The following PRDM13 variants were observed in gnomAD, a reference collection of about 807,000 sequenced individuals.
PRDM13 encodes the protein PR/SET domain 13.
A neutral mutation model predicts 36.4 loss-of-function variants in PRDM13; 15 were observed. The observed-to-expected ratio is 0.41, with a 90% CI of 0.28 to 0.64. PRDM13 has a LOEUF of 0.64. Ranked by LOEUF, PRDM13 falls within the 30% of genes least tolerant of loss-of-function variation. PRDM13 has a pLI of 0.29. For missense variants in PRDM13, 1,044 were observed against 1,013.5 expected, an observed-to-expected ratio of 1.03 and a Z score of -0.41; for synonymous variants, 531 against 467.7, an observed-to-expected ratio of 1.14 and a Z score of -1.75.
In PRDM13 at chr6:99,613,877, G is replaced by A. The variant is rs749242688; in HGVS notation, c.1242G>A (p.Ala414=). Residue 414 remains alanine (A), a synonymous_variant, in exon 4 of 4, where the codon GCG becomes GCA. Transcript: ENST00000369215. The surrounding 1 kb of genome is among the most constrained non-coding windows in gnomAD (Gnocchi z 6.1). ...HVERAPPAAA[A]LPGARYAQLP... is the part of the protein sequence containing the mutation. ...AGCGCGCCCCGCCCGCAGCCGCCGC[G>A]CTGCCAGGAGCGCGTTATGCGCAGC... The A allele has an allele frequency of 4.6e-6, 7 of 1,527,782 alleles. No homozygotes were observed. The highest frequency in any genetic ancestry group is 1.4e-5 in the African/African-American group (1 of 69,640). 94.6% of individuals were successfully genotyped at this position (1,527,782 alleles called of 1,614,324 possible). A position where few individuals can be genotyped will look rare whatever the true frequency, so the allele number is the denominator to read the frequency against.
chr6:99,609,047 G>A (rs979247161), intron 2 of PRDM13, 140 bp from the exon 3 acceptor site: 8 of 1,380,938 alleles, frequency 5.8e-6, no homozygotes, highest in East Asian at 2.5e-5. Flanking sequence ...GAAGGATGAC[G>A]GAAGTGAGGT....
chr6:99,613,057 A>G lies in PRDM13; in HGVS notation c.422A>G (p.Tyr141Cys). 6.2e-7 allele frequency: 1 copy of G among 1,600,352 alleles called. No homozygotes were observed. The change falls in exon 4 of 4, where the codon TAC becomes TGC. Residue 141 changes from tyrosine to cysteine, a missense_variant. Around this residue, in one of 3 missense-constraint regions of PRDM13, gnomAD observed 921 missense variants for 865.2 expected, o/e 1.06. Coordinates refer to ENST00000369215, the MANE Select transcript of PRDM13 (RefSeq NM_021620.4). This position sits in a 1 kb window ranked among gnomAD's most constrained non-coding sequence, Gnocchi z 6.1. Reference protein sequence around the residue: ...EKGEERYICWYCWRTFRYPNS... With the variant: ...EKGEERYICWCCWRTFRYPNS... ...GGGGAGGAGCGCTACATCTGCTGGT[A>G]CTGCTGGAGGACGTTTAGATACCCC...
chr6:99,607,145 G>C lies in PRDM13; in HGVS notation c.111G>C (p.Leu37=). The change falls in exon 1 of 4, where the codon CTG becomes CTC. Residue 37 remains leucine, a synonymous_variant. Transcript: ENST00000369215. ...VPGTFKLGKY[L]SDRREPGPKK... ...GTACCTTCAAGCTGGGCAAGTACCT[G>C]TCAGACCGCAGGGAGCCCGGGCCTA... 6.2e-7 allele frequency: 1 copy of C among 1,613,924 alleles called. No individual in the cohort carries two copies. Among genetic ancestry groups the C allele is most frequent in the Non-Finnish European group, 8.5e-7 (1 of 1,180,004 alleles).
At chr6:99,609,577 C>T (rs1476005249) in intron 3 of PRDM13, among the ~76,000 whole-genome samples, 2 of 152,088 alleles carry the variant, frequency 1.3e-5, no homozygotes, top group African/African-American at 4.8e-5. Context: ...TCAAACAGAC[C>T]ATTATTTACT....
intron 1 of PRDM13, among the ~76,000 whole-genome samples, chr6:99,608,233 C>T (rs1474304855): frequency 1.3e-5 from 2 of 152,182 alleles, no homozygotes; most frequent in African/African-American, 4.8e-5. Context: ...CAAGCTTTTC[C>T]CCGCTTGGGC....
Position 99,609,444 on chromosome 6 carries a change from C to T in PRDM13, c.397+137C>T, listed in dbSNP as rs545131270. On this transcript the variant is annotated intron_variant, in intron 3 of 3. Transcript: ENST00000369215. Reference sequence around the variant, plus strand: ...ATTTCAAGGCAAAGAGGAGAGAGGTCGCCACTACCTCCTTAAAATCAACCA... The same window carrying T: ...ATTTCAAGGCAAAGAGGAGAGAGGTTGCCACTACCTCCTTAAAATCAACCA... The T allele has an allele frequency of 4.4e-5, 53 of 1,208,626 alleles. No homozygotes were observed. The South Asian group carries it at 6.8e-4, about 15-fold the overall frequency. 74.9% of individuals were successfully genotyped at this position (1,208,626 alleles called of 1,614,324 possible).
In PRDM13 at chr6:99,613,861, C is replaced by T. The variant is rs982635235; in HGVS notation, c.1226C>T (p.Pro409Leu). 2.5e-5 allele frequency: 38 copies of T among 1,507,646 alleles called. No individual in the cohort carries two copies. Among genetic ancestry groups the T allele is most frequent in the Non-Finnish European group, 3.2e-5 (36 of 1,135,284 alleles). 93.4% of individuals were successfully genotyped at this position (1,507,646 alleles called of 1,614,324 possible). ...ASAFKHVERA[P>L]PAAAALPGAR... ...GCCTTCAAGCACGTGGAGCGCGCCCCGCCCGCAGCCGCCGCGCTGCCAGGA... is the reference window on the plus strand; with the variant it reads ...GCCTTCAAGCACGTGGAGCGCGCCCTGCCCGCAGCCGCCGCGCTGCCAGGA... The change falls in exon 4 of 4, where the codon CCG becomes CTG. Residue 409 changes from proline (P) to leucine (L), a missense_variant. Around this residue, in one of 3 missense-constraint regions of PRDM13, gnomAD observed 921 missense variants for 865.2 expected, o/e 1.06. Coordinates refer to ENST00000369215, the MANE Select transcript of PRDM13 (RefSeq NM_021620.4). This position sits in a 1 kb window ranked among gnomAD's most constrained non-coding sequence, Gnocchi z 6.1.
chr6:99,607,124 C>T lies in PRDM13; in HGVS notation c.90C>T (p.Thr30=). ...TGCGCCTCGGACCGGTGCCTGGTAC[C>T]TTCAAGCTGGGCAAGTACCTGTCAG... ...AGLRLGPVPG[T]FKLGKYLSDR... Residue 30 remains threonine, a synonymous_variant, in exon 1 of 4, where the codon ACC becomes ACT. Coordinates refer to ENST00000369215, the MANE Select transcript of PRDM13 (RefSeq NM_021620.4). The T allele has an allele frequency of 1.9e-6, 3 of 1,613,954 alleles. No individual in the cohort carries two copies. The highest frequency in any genetic ancestry group is 8.5e-7 in the Non-Finnish European group (1 of 1,180,022).
At chr6:99,612,076 T>A (rs932654529) in intron 3 of PRDM13, among the ~76,000 whole-genome samples, 1 of 152,240 alleles carries the variant, frequency 6.6e-6, no homozygotes, top group Admixed American at 6.5e-5. Flanking sequence ...CAAACACGTA[T>A]ATAGTGCCCG....
rs776126214 is a variant in PRDM13, at chr6:99,609,289, C to A, written c.379C>A (p.Pro127Thr). The change falls in exon 3 of 4, where the codon CCG becomes ACG. Residue 127 changes from proline (P) to threonine (T), a missense_variant. This residue lies in a region of PRDM13 where 921 missense variants were observed against 865.2 expected (regional missense o/e 1.06). Coordinates refer to ENST00000369215, the MANE Select transcript of PRDM13 (RefSeq NM_021620.4). ...QWFDIPTTATPTHDEKGEERY... is the reference protein window; with the variant it reads ...QWFDIPTTATTTHDEKGEERY... ...GTTCGACATCCCCACCACAGCGACT[C>A]CGACTCACGACGAGAAAGGTACCCA... 9.9e-6 allele frequency: 16 copies of A among 1,614,090 alleles called. No individual in the cohort carries two copies. In the East Asian group the frequency reaches 3.3e-4, roughly 34 times the overall value.
chr6:99,612,524 AATG>A (rs1269798578), intron 3 of PRDM13, among the ~76,000 whole-genome samples: 1 of 152,188 alleles, frequency 6.6e-6, no homozygotes, highest in Non-Finnish European at 1.5e-5. Flanking sequence ...TGTGAAAAGG[AATG>A]ATTACATATG....
intron 3 of PRDM13, among the ~76,000 whole-genome samples, chr6:99,609,905 A>AG (rs1402198268): frequency 6.9e-6 from 1 of 144,804 alleles, no homozygotes; most frequent in African/African-American, 2.5e-5. Flanking sequence ...AATAAAAATA[A>AG]AAAATAAAAA....
Position 99,608,738 on chromosome 6 carries a change from C to A in PRDM13, c.145-3C>A. 6.2e-7 allele frequency: 1 copy of A among 1,602,960 alleles called. No individual in the cohort carries two copies. Among genetic ancestry groups the A allele is most frequent in the Non-Finnish European group, 8.5e-7 (1 of 1,174,680 alleles). On this transcript the variant is annotated splice_region_variant and splice_polypyrimidine_tract_variant and intron_variant, in intron 1 of 3. Transcript: ENST00000369215. ...GGGAGAACGACCACTGCTTGTGTTGCAGGTGCGCATGGTGAGAGGGGAGCT... is the reference window on the plus strand; with the variant it reads ...GGGAGAACGACCACTGCTTGTGTTGAAGGTGCGCATGGTGAGAGGGGAGCT...
chr6:99,607,640 GA>G (rs201960059), intron 1 of PRDM13, among the ~76,000 whole-genome samples: 11 of 149,842 alleles, frequency 7.3e-5, no homozygotes, highest in South Asian at 2.1e-4. Flanking sequence ...TTTTTTTCCT[GA>G]AAAAAAAAAT....
Position 99,614,046 on chromosome 6 carries a change from T to C in PRDM13, c.1411T>C (p.Tyr471His). The C allele has an allele frequency of 6.2e-7, 1 of 1,609,724 alleles. No individual in the cohort carries two copies. Among genetic ancestry groups the C allele is most frequent in the Non-Finnish European group, 8.5e-7 (1 of 1,178,750 alleles). Residue 471 changes from tyrosine (Y) to histidine (H), a missense_variant, in exon 4 of 4, where the codon TAC (tyrosine) becomes CAC (histidine). Physicochemically the swap from Tyr to His is moderately conservative, Grantham distance 83. Around this residue, in one of 3 missense-constraint regions of PRDM13, gnomAD observed 921 missense variants for 865.2 expected, o/e 1.06. Coordinates refer to ENST00000369215, the MANE Select transcript of PRDM13 (RefSeq NM_021620.4). ...AFTVYNGELL[Y>H]GSPATTAYYP... ...TACAGTCTACAACGGGGAGCTGCTC[T>C]ACGGCTCACCGGCCACCACCGCTTA...
At chr6:99,612,073 G>A (rs921834601) in intron 3 of PRDM13, among the ~76,000 whole-genome samples, 2 of 152,164 alleles carry the variant, frequency 1.3e-5, no homozygotes, top group Non-Finnish European at 2.9e-5. Context: ...CACCAAACAC[G>A]TATATAGTGC....
In PRDM13 at chr6:99,613,501, C is replaced by G; in HGVS notation, c.866C>G (p.Pro289Arg). 1 of 1,519,626 alleles carries G rather than the reference C, an allele frequency of 6.6e-7. No homozygotes were observed. Among genetic ancestry groups the G allele is most frequent in the East Asian group, 2.5e-5 (1 of 39,748 alleles). 94.1% of individuals were successfully genotyped at this position (1,519,626 alleles called of 1,614,324 possible). The change falls in exon 4 of 4, where the codon CCC (proline) becomes CGC (arginine). Residue 289 changes from proline to arginine, a missense_variant. Physicochemically the swap from Pro to Arg is moderately radical, Grantham distance 103 (BLOSUM62 -2). Around this residue, in one of 3 missense-constraint regions of PRDM13, gnomAD observed 921 missense variants for 865.2 expected, o/e 1.06. Transcript: ENST00000369215. The surrounding 1 kb of genome is among the most constrained non-coding windows in gnomAD (Gnocchi z 6.1). The stretch of plus-strand genomic sequence containing the variant: ...GGGGTCGGCAGCCTGGCTTTCTACC[C>G]CGGCGTGCGCTCAGCTTTCAAGCCC... ...SAGVGSLAFYPGVRSAFKPAG... is the reference protein window; with the variant it reads ...SAGVGSLAFYRGVRSAFKPAG...
intron 3 of PRDM13, among the ~76,000 whole-genome samples, chr6:99,611,103 T>C (rs1770024768): frequency 6.6e-6 from 1 of 152,112 alleles, no homozygotes; most frequent in African/African-American, 2.4e-5. Context: ...GGAGAATATG[T>C]CAGTTAGGAT....
chr6:99,607,628 A>T (rs1231605364), intron 1 of PRDM13, among the ~76,000 whole-genome samples: 2 of 151,338 alleles, frequency 1.3e-5, no homozygotes, highest in African/African-American at 2.4e-5. Flanking sequence ...CCTTAAAGTA[A>T]TTTTTTTTCC....
Sources: gnomAD v4.1 joint callset for allele counts (sites outside exome capture counted in the v4.1 genomes callset) on GRCh38, gnomAD v4.1.1 for gene constraint, gnomAD v4.1.1 regional missense constraint, Gnocchi (gnomAD v3.1) non-coding constraint, MANE v1.5 for transcripts, NCBI Gene and HGNC (gene_info 2026-07-23, HGNC 2026-07-21) for gene names.